COL10A1: variants seen among roughly 807,000 people sequenced by gnomAD.
COL10A1 encodes collagen alpha-1(X) chain.
In COL10A1, 10 loss-of-function variants were observed where a neutral mutation model predicts 18.2. The observed-to-expected ratio is 0.55, with a 90% CI of 0.34 to 0.93. COL10A1 has a LOEUF of 0.93. Ranked by LOEUF, COL10A1 falls within the 40% of genes least tolerant of loss-of-function variation. COL10A1 has a pLI of 0.02. For missense variants in COL10A1, 897 were observed against 853.5 expected (o/e 1.05, Z -0.64); for synonymous variants, 330 against 316.6 (o/e 1.04, Z -0.45).
Position 116,121,591 on chromosome 6 carries a change from T to C in COL10A1, c.525A>G (p.Glu175=), listed in dbSNP as rs1298780981. The part of the protein sequence containing the change: ...GAPGPRGFPG[E]KGAPGVPGMN... ...TACCAGGGACTCCTGGTGCACCCTTTTCTCCAGGAAAGCCCCTGGGTCCTG... is the reference window on the plus strand; with the variant it reads ...TACCAGGGACTCCTGGTGCACCCTTCTCTCCAGGAAAGCCCCTGGGTCCTG... The change falls in exon 3 of 3, where the codon GAA becomes GAG. Residue 175 remains glutamate, a synonymous_variant. Transcript: ENST00000651968. 2 of 1,613,914 alleles carry C rather than the reference T, an allele frequency of 1.2e-6. No individual in the cohort carries two copies. Among genetic ancestry groups the C allele is most frequent in the Non-Finnish European group, 1.7e-6 (2 of 1,179,990 alleles).
the COL10A1 span, among the ~76,000 whole-genome samples, chr6:116,193,139 A>T: frequency 6.6e-6 from 1 of 152,044 alleles, no homozygotes; most frequent in African/African-American, 2.4e-5. Context: ...TTGACTATTC[A>T]GTTTGTTATT....
intron 2 of COL10A1, among the ~76,000 whole-genome samples, chr6:116,122,583 T>C (rs1268446984): frequency 6.6e-6 from 1 of 152,192 alleles, no homozygotes; most frequent in East Asian, 1.9e-4. Context: ...CTTACCTAAA[T>C]ACAAATATAT....
At chr6:116,134,301 A>G (rs986799668) in intron 1 of COL10A1, among the ~76,000 whole-genome samples, 18 of 151,946 alleles carry the variant, frequency 1.2e-4, no homozygotes, top group African/African-American at 4.3e-4. Context: ...CCTGCTGTAG[A>G]CTCATGGAGA....
chr6:116,210,567 A>G, the COL10A1 span, among the ~76,000 whole-genome samples: 1 of 151,962 alleles, frequency 6.6e-6, no homozygotes, highest in South Asian at 2.1e-4. Context: ...CAAAACGGGA[A>G]TCATATAGGA....
exon 1 of COL10A1, chr6:116,158,682 C>G (rs1382229549): frequency 6.6e-6 from 1 of 152,174 alleles, no homozygotes; most frequent in African/African-American, 2.4e-5. Context: ...ACTTTGTCAT[C>G]CTGGTGTGTT....
At chr6:116,136,887 G>A (rs1263938194) in intron 1 of COL10A1, among the ~76,000 whole-genome samples, 2 of 152,140 alleles carry the variant, frequency 1.3e-5, no homozygotes, top group Admixed American at 1.3e-4. Flanking sequence ...AGCCATTTCT[G>A]TACAAGAAGA....
chr6:116,160,526 C>T (rs79163200), upstream of COL10A1, among the ~76,000 whole-genome samples: 867 of 152,090 alleles, frequency 5.7e-3, 17 homozygotes, highest in South Asian at 0.046. Flanking sequence ...ATTAGTCCTT[C>T]TGTCAGATGC....
the COL10A1 span, among the ~76,000 whole-genome samples, chr6:116,180,454 G>A: frequency 6.6e-6 from 1 of 152,078 alleles, no homozygotes; most frequent in East Asian, 1.9e-4. Context: ...GACCTAGGTA[G>A]TGATCATTAA....
At chr6:116,209,132 C>T in the COL10A1 span, among the ~76,000 whole-genome samples, 2 of 151,934 alleles carry the variant, frequency 1.3e-5, no homozygotes, top group African/African-American at 2.4e-5. Context: ...ATTTTTATTA[C>T]GTTACTGTCC....
rs780295210 is a variant in COL10A1, at chr6:116,120,734, C to T, written c.1382G>A (p.Gly461Glu). ...TGGATCCCCTTTAGACCCAGGGAAT[C>T]CTGGAATGCCTGGTGGCCCAATAGG... ...RGPIGPPGIP[G>E]FPGSKGDPGS... Residue 461 changes from glycine (G) to glutamate (E), a missense_variant, in exon 3 of 3, where the codon GGA (glycine) becomes GAA (glutamate). Transcript: ENST00000651968. 1 of 1,590,184 alleles carries T rather than the reference C, an allele frequency of 6.3e-7. No homozygotes were observed. The highest frequency in any genetic ancestry group is 2.2e-5 in the East Asian group (1 of 44,694).
chr6:116,167,642 C>T, the COL10A1 span, among the ~76,000 whole-genome samples: 3 of 152,188 alleles, frequency 2.0e-5, no homozygotes, highest in African/African-American at 7.2e-5. Context: ...TCTTACCCTT[C>T]TACCCTTCGT....
chr6:116,164,065 A>G, the COL10A1 span, among the ~76,000 whole-genome samples: 1 of 152,152 alleles, frequency 6.6e-6, no homozygotes, highest in Non-Finnish European at 1.5e-5. Context: ...AAAAATGTAT[A>G]TTCTTTGGTT....
the COL10A1 span, among the ~76,000 whole-genome samples, chr6:116,209,134 T>A: frequency 6.6e-6 from 1 of 152,078 alleles, no homozygotes; most frequent in African/African-American, 2.4e-5. Context: ...TTTTATTACG[T>A]TACTGTCCCG....
intron 1 of COL10A1, among the ~76,000 whole-genome samples, chr6:116,149,871 A>G (rs1314101152): frequency 6.6e-6 from 1 of 152,232 alleles, no homozygotes; most frequent in Non-Finnish European, 1.5e-5. Flanking sequence ...GATTTGCACA[A>G]CAAACCAGCA....
intron 1 of COL10A1, among the ~76,000 whole-genome samples, chr6:116,149,518 C>G (rs952063170): frequency 2.6e-5 from 4 of 152,146 alleles, no homozygotes; most frequent in African/African-American, 9.7e-5. Context: ...TGAGACAGAG[C>G]TTTCAAAACA....
upstream of COL10A1, among the ~76,000 whole-genome samples, chr6:116,163,653 G>A (rs1780398035): frequency 6.6e-6 from 1 of 151,892 alleles, no homozygotes; most frequent in African/African-American, 2.4e-5. Context: ...CTTTACTTCT[G>A]CTAGTTTTGG....
the COL10A1 span, among the ~76,000 whole-genome samples, chr6:116,204,381 T>A: frequency 6.6e-6 from 1 of 152,004 alleles, no homozygotes; most frequent in Non-Finnish European, 1.5e-5. Flanking sequence ...ATGCACTACC[T>A]AATTAGTAAT....
In COL10A1 at chr6:116,147,996, A is replaced by AG. The variant is rs1399936445; in HGVS notation, c.-16+10617dup. Among the ~76,000 whole-genome samples, 338 of 150,966 alleles carry AG rather than the reference A, an allele frequency of 2.2e-3. 2 individuals carry two copies. The highest frequency in any genetic ancestry group is 8.2e-3 in the African/African-American group (333 of 40,830). Reference sequence around the variant, plus strand: ...CGAGACTCTGTCTCAAAAAAAAAAAAGGTGGGGGGGGTTGGAGGCACCTTG... The same window carrying AG: ...CGAGACTCTGTCTCAAAAAAAAAAAAGGGTGGGGGGGGTTGGAGGCACCTTG... On this transcript the variant is annotated intron_variant, in intron 1 of 1. Coordinates refer to the COL10A1 transcript ENST00000418500.
upstream of COL10A1, among the ~76,000 whole-genome samples, chr6:116,162,241 C>T (rs529576976): frequency 1.3e-5 from 2 of 152,202 alleles, no homozygotes; most frequent in African/African-American, 2.4e-5. Flanking sequence ...ATTTGACTTC[C>T]ACTTTTCCGA....
Sources: allele counts gnomAD v4.1 joint callset (sites outside exome capture counted in the v4.1 genomes callset), GRCh38; gene constraint gnomAD v4.1.1; transcripts MANE v1.5; gene names NCBI Gene and HGNC (gene_info 2026-07-23, HGNC 2026-07-21).